REV1: variants seen among roughly 807,000 people sequenced by gnomAD.
REV1 encodes the protein translesion synthesis protein REV1.
In REV1, 42 loss-of-function variants were observed where a neutral mutation model predicts 137.4. The observed-to-expected ratio is 0.31, with a 90% CI of 0.24 to 0.40. The LOEUF is 0.40. Ranked by LOEUF, REV1 falls within the 10% of genes least tolerant of loss-of-function variation. REV1 has a pLI of 1.00. For missense variants in REV1, 1,282 were observed against 1,490.1 expected, an observed-to-expected ratio of 0.86 and a Z score of 2.30; for synonymous variants, 524 against 519.2, an observed-to-expected ratio of 1.01 and a Z score of -0.12.
intron 8 of REV1, among the ~76,000 whole-genome samples, chr2:99,433,147 T>A (rs1486171747): frequency 6.6e-6 from 1 of 152,204 alleles, no homozygotes; most frequent in Admixed American, 6.5e-5. Flanking sequence ...ACTTAAGATT[T>A]CATCTGTTTA....
chr2:99,427,411 A>G (rs1050230383), intron 9 of REV1, among the ~76,000 whole-genome samples: 2 of 152,196 alleles, frequency 1.3e-5, no homozygotes, highest in African/African-American at 2.4e-5. Flanking sequence ...TACTGTAAGT[A>G]TAGGCCAACT....
In REV1 at chr2:99,421,704, T is replaced by C; in HGVS notation, c.1677-51A>G. On this transcript the variant is annotated intron_variant, in intron 10 of 22. Coordinates refer to ENST00000258428, the MANE Select transcript of REV1 (RefSeq NM_016316.4). ...AATCACAGCCACAGCCACCATCTGG[T>C]AGACCCAATGTTGCAAAATAGTCTT... 3 of 1,574,932 alleles carry C rather than the reference T, an allele frequency of 1.9e-6. No homozygotes were observed. In the South Asian group the frequency reaches 3.5e-5, roughly 18 times the overall value.
chr2:99,483,584 T>C (rs1206658958), intron 1 of REV1, among the ~76,000 whole-genome samples: 1 of 152,248 alleles, frequency 6.6e-6, no homozygotes, highest in Non-Finnish European at 1.5e-5. Flanking sequence ...GGCAGTCTCC[T>C]GCCTATATGA....
At chr2:99,477,173 A>G (rs974722550) in intron 1 of REV1, among the ~76,000 whole-genome samples, 1 of 152,150 alleles carries the variant, frequency 6.6e-6, no homozygotes, top group African/African-American at 2.4e-5. Flanking sequence ...CGCCCCTCTT[A>G]GCAGGAGGCA....
Position 99,403,825 on chromosome 2 carries a change from A to C in REV1, c.3046-10T>G. ...ATACCTCAGGGTCCACCTAGTGGAA[A>C]AGACGAGGTCAAAGTCAAACCTGAG... is the stretch of plus-strand genomic sequence containing the variant. On this transcript the variant is annotated splice_polypyrimidine_tract_variant and intron_variant, in intron 18 of 22. Transcript: ENST00000258428. 1 of 1,613,892 alleles carries C rather than the reference A, an allele frequency of 6.2e-7. No individual in the cohort carries two copies. The highest frequency in any genetic ancestry group is 8.5e-7 in the Non-Finnish European group (1 of 1,179,904).
chr2:99,410,727 A>G lies in REV1; in HGVS notation c.2313T>C (p.Phe771=). 1 of 1,598,560 alleles carries G rather than the reference A, an allele frequency of 6.3e-7. No individual in the cohort carries two copies. The highest frequency in any genetic ancestry group is 2.2e-5 in the East Asian group (1 of 44,634). ...KPGAPVETAK[F]GGHGICDNIA... The stretch of plus-strand genomic sequence containing the variant: ...TGTTATCACAAATTCCATGGCCTCC[A>G]AATTTTGCAGTTTCTACAGGAGCCC... The change falls in exon 14 of 23, where the codon TTT becomes TTC. Residue 771 remains phenylalanine, a synonymous_variant. Coordinates refer to ENST00000258428, the MANE Select transcript of REV1 (RefSeq NM_016316.4).
chr2:99,478,148 A>T (rs1479670034), intron 1 of REV1, among the ~76,000 whole-genome samples: 1 of 152,130 alleles, frequency 6.6e-6, no homozygotes, highest in African/African-American at 2.4e-5. Context: ...AGGCAGGAGG[A>T]TCACTTAAAC....
chr2:99,425,117 A>G (rs1679172391), intron 9 of REV1, among the ~76,000 whole-genome samples: 1 of 152,210 alleles, frequency 6.6e-6, no homozygotes, highest in South Asian at 2.1e-4. Context: ...ATAATAGGAT[A>G]ATGGTTATTC....
chr2:99,451,233 C>A, intron 3 of REV1: 1 of 595,882 alleles, frequency 1.7e-6, no homozygotes, highest in Non-Finnish European at 2.2e-6. Flanking sequence ...CTGTAACTTT[C>A]CTAAACTAAT....
At chr2:99,421,987 A>C (rs1678747537) in intron 10 of REV1, among the ~76,000 whole-genome samples, 1 of 152,232 alleles carries the variant, frequency 6.6e-6, no homozygotes, top group Admixed American at 6.5e-5. Flanking sequence ...ACTTCTATAA[A>C]CCTTTGAAGA....
intron 1 of REV1, among the ~76,000 whole-genome samples, chr2:99,489,467 C>T (rs1687457482): frequency 6.7e-6 from 1 of 149,296 alleles, no homozygotes; most frequent in African/African-American, 2.4e-5. Context: ...ACCGGGCCGG[C>T]GGGATGCGGC....
intron 3 of REV1, among the ~76,000 whole-genome samples, chr2:99,460,074 T>C (rs1684006879): frequency 6.6e-6 from 1 of 152,150 alleles, no homozygotes; most frequent in Non-Finnish European, 1.5e-5. Flanking sequence ...TTCCTCCAAA[T>C]TCCTTTTCAG....
chr2:99,427,019 C>T (rs984719072), intron 9 of REV1, among the ~76,000 whole-genome samples: 12 of 152,076 alleles, frequency 7.9e-5, no homozygotes, highest in Non-Finnish European at 1.6e-4. Context: ...CCCATCTCTA[C>T]TAAAAATACA....
chr2:99,441,147 G>A (rs1681443010), intron 5 of REV1, among the ~76,000 whole-genome samples: 1 of 151,882 alleles, frequency 6.6e-6, no homozygotes, highest in Admixed American at 6.6e-5. Flanking sequence ...AGGTTTTCTG[G>A]TATTATTTGC....
chr2:99,442,267 A>AAC, intron 5 of REV1, 50 bp downstream of exon 5: 1 of 1,414,500 alleles, frequency 7.1e-7, no homozygotes, highest in Non-Finnish European at 9.4e-7. Context: ...AAAAAAAAAA[A>AAC]AAAAAAAAAC....
At chr2:99,464,820 A>C in intron 2 of REV1, 102 bp downstream of exon 2, 2 of 1,107,446 alleles carry the variant, frequency 1.8e-6, no homozygotes, top group Non-Finnish European at 2.7e-6. Flanking sequence ...TGGTGTCTAA[A>C]GTAATTTACA....
rs111394008 is a variant in REV1 at position 99,409,861 on chromosome 2, C to G, written c.2345+834G>C. Among the ~76,000 whole-genome samples the G allele has an allele frequency of 4.5e-5, 6 of 133,168 alleles. 1 individual carries two copies. In the East Asian group the frequency reaches 7.8e-4, roughly 17 times the overall value. The allele number at this position is 133,168 out of a possible 152,430, so 87.4% of individuals were successfully genotyped here. A position where few individuals can be genotyped will look rare whatever the true frequency, so the allele number is the denominator to read the frequency against. On this transcript the variant is annotated intron_variant, in intron 14 of 22. Coordinates refer to ENST00000258428, the MANE Select transcript of REV1 (RefSeq NM_016316.4). ...CTGTCTCAAAACAAACAACCCCCCCCCCCCCCAAAAAAAACAGCGTTTTTA... is the reference window on the plus strand; with the variant it reads ...CTGTCTCAAAACAAACAACCCCCCCGCCCCCCAAAAAAAACAGCGTTTTTA...
intron 6 of REV1, among the ~76,000 whole-genome samples, chr2:99,437,714 T>C (rs1270593060): frequency 6.6e-6 from 1 of 152,146 alleles, no homozygotes; most frequent in East Asian, 1.9e-4. Flanking sequence ...TTAGAAGCAT[T>C]AAGAATTAAA....
chr2:99,429,744 T>TGG (rs1679870838), intron 9 of REV1, 96 bp downstream of exon 9: 18 of 782,582 alleles, frequency 2.3e-5, no homozygotes, highest in Middle Eastern at 3.4e-4. Context: ...GTCTGTAACA[T>TGG]TTAAATCCAC....
Sources: allele counts gnomAD v4.1 joint callset (sites outside exome capture counted in the v4.1 genomes callset), GRCh38; gene constraint gnomAD v4.1.1; transcripts MANE v1.5; gene names NCBI Gene and HGNC (gene_info 2026-07-23, HGNC 2026-07-21).